The following PCDHA4 variants were observed in gnomAD, a reference collection of about 807,000 sequenced individuals.
PCDHA4 encodes the protein protocadherin alpha 4.
A neutral mutation model predicts 61.4 loss-of-function variants in PCDHA4; 49 were observed. That is an observed-to-expected ratio of 0.80 (90% CI 0.63 to 1.01). The LOEUF (loss-of-function observed/expected upper bound fraction) is 1.01, where lower values mean the gene tolerates loss of function less well. Among genes scored for constraint, PCDHA4 ranks in the 50% least tolerant of loss-of-function variants. The pLI is 0.00. For synonymous variants in PCDHA4, 590 were observed against 550.3 expected, an observed-to-expected ratio of 1.07 and a Z score of -1.01; for missense variants, 1,254 against 1,235.8, an observed-to-expected ratio of 1.01 and a Z score of -0.22.
At chr5:140,966,835 G>A in intron 1 of PCDHA4, 10 of 1,564,886 alleles carry the variant, frequency 6.4e-6, no homozygotes, top group Non-Finnish European at 7.8e-6. Flanking sequence ...TGCCCTGGCT[G>A]CTGCTACTGC....
In PCDHA4 at chr5:140,808,734, A is replaced by C; in HGVS notation, c.1547A>C (p.Lys516Thr). The C allele has an allele frequency of 6.2e-7, 1 of 1,612,162 alleles. No individual in the cohort carries two copies. Among genetic ancestry groups the C allele is most frequent in the South Asian group, 1.1e-5 (1 of 91,010 alleles). ...GTTTCGGTGCATGCGGAGAGCGGCA[A>C]GGTGTACGCGCTGCAGCCGCTGGAC... ...SYVSVHAESG[K>T]VYALQPLDHE... Residue 516 changes from lysine to threonine, a missense_variant, in exon 1 of 4, where the codon AAG (lysine) becomes ACG (threonine). Physicochemically the swap from Lys to Thr is moderately conservative, Grantham distance 78. Coordinates refer to ENST00000530339, the MANE Select transcript of PCDHA4 (RefSeq NM_018907.4).
At chr5:140,858,233 G>A in intron 1 of PCDHA4, 2 of 1,596,216 alleles carry the variant, frequency 1.3e-6, no homozygotes, top group Non-Finnish European at 1.7e-6. Flanking sequence ...CACCGAGGGC[G>A]CATGTGGGCC....
intron 1 of PCDHA4, chr5:140,929,284 A>G: frequency 6.2e-7 from 1 of 1,600,764 alleles, no homozygotes; most frequent in Non-Finnish European, 8.5e-7. Flanking sequence ...CTGTATTCAG[A>G]TTCGGAATAG....
intron 1 of PCDHA4, among the ~76,000 whole-genome samples, chr5:140,964,804 G>A (rs1484818069): frequency 6.6e-6 from 1 of 152,012 alleles, no homozygotes; most frequent in African/African-American, 2.4e-5. Context: ...CAAGAAAGGA[G>A]ACAGGAATAG....
At chr5:140,985,519 C>G (rs945399310) in intron 3 of PCDHA4, among the ~76,000 whole-genome samples, 7 of 152,120 alleles carry the variant, frequency 4.6e-5, no homozygotes, top group African/African-American at 1.7e-4. Flanking sequence ...TTCTGTTGCC[C>G]TTAAAGCTTC....
chr5:140,835,636 T>C (rs1460811244), intron 1 of PCDHA4: 1 of 1,613,788 alleles, frequency 6.2e-7, no homozygotes, highest in Non-Finnish European at 8.5e-7. Flanking sequence ...CGCGAGAGTG[T>C]GTCCGCCTAT....
At chr5:140,979,843 A>G (rs1373380351) in intron 2 of PCDHA4, among the ~76,000 whole-genome samples, 1 of 152,246 alleles carries the variant, frequency 6.6e-6, no homozygotes, top group African/African-American at 2.4e-5. Context: ...TAATCTTCAA[A>G]CTTAAGCCCC....
intron 3 of PCDHA4, among the ~76,000 whole-genome samples, chr5:141,000,680 T>C (rs953789526): frequency 1.3e-5 from 2 of 151,376 alleles, no homozygotes; most frequent in African/African-American, 2.4e-5. Flanking sequence ...CACCTGCCTC[T>C]GCCTCCCAAA....
intron 1 of PCDHA4, among the ~76,000 whole-genome samples, chr5:140,955,267 T>C (rs1189039296): frequency 6.6e-6 from 1 of 152,140 alleles, no homozygotes; most frequent in Non-Finnish European, 1.5e-5. Context: ...AGGCTCTTTT[T>C]TGGTTCCATA....
At chr5:140,952,721 G>A (rs781821007) in intron 1 of PCDHA4, among the ~76,000 whole-genome samples, 1 of 152,100 alleles carries the variant, frequency 6.6e-6, no homozygotes, top group Non-Finnish European at 1.5e-5. Context: ...TCAATTTTCT[G>A]TACTAGTCTT....
At chr5:140,969,045 CCAA>C in intron 1 of PCDHA4, 4 of 1,614,090 alleles carry the variant, frequency 2.5e-6, no homozygotes, top group Non-Finnish European at 3.4e-6. Flanking sequence ...TACAAACAAG[CCAA>C]CAACAATATT....
intron 1 of PCDHA4, chr5:140,877,326 G>A: frequency 1.9e-6 from 3 of 1,613,964 alleles, no homozygotes. Flanking sequence ...CGGTCGGCGC[G>A]CACATCCCGT....
intron 1 of PCDHA4, among the ~76,000 whole-genome samples, chr5:140,963,771 G>A (rs2095789886): frequency 6.6e-6 from 1 of 152,164 alleles, no homozygotes; most frequent in South Asian, 2.1e-4. Context: ...ATTTCATGAC[G>A]ACAGCAACAA....
At chr5:140,842,635 C>G (rs1330338408) in intron 1 of PCDHA4, 3 of 1,590,774 alleles carry the variant, frequency 1.9e-6, no homozygotes, top group South Asian at 1.1e-5. Flanking sequence ...TGTGGGCCAC[C>G]GCCAGCTTGT....
chr5:140,937,812 T>A (rs930837901), intron 1 of PCDHA4, among the ~76,000 whole-genome samples: 3 of 150,742 alleles, frequency 2.0e-5, no homozygotes, highest in Non-Finnish European at 4.4e-5. Flanking sequence ...CTCGGGAAGC[T>A]GAGGCAGGAG....
At chr5:140,898,211 A>G (rs1554187859) in intron 1 of PCDHA4, among the ~76,000 whole-genome samples, 2 of 152,100 alleles carry the variant, frequency 1.3e-5, no homozygotes, top group African/African-American at 4.8e-5. Context: ...CCATTTGTCA[A>G]TTTTGGCTTT....
At chr5:140,913,379 C>T (rs1554195889) in intron 1 of PCDHA4, among the ~76,000 whole-genome samples, 1 of 152,134 alleles carries the variant, frequency 6.6e-6, no homozygotes, top group Non-Finnish European at 1.5e-5. Context: ...CATATAGTGG[C>T]TCATCATAGC....
rs2098413689 is a variant in PCDHA4, at chr5:141,009,672, A to G, written c.2579A>G (p.Asn860Ser). Residue 860 changes from asparagine to serine, a missense_variant, in exon 4 of 4, where the codon AAC becomes AGC. Physicochemically the swap from Asn to Ser is conservative, Grantham distance 46. Transcript: ENST00000530339. The stretch of plus-strand genomic sequence containing the variant: ...TCCCCTCCAGTCGGTGCGGGTGTCA[A>G]CAGCAACAGCTGGACCTTTAAATAC... ...EVSPPVGAGV[N>S]SNSWTFKYGP... is the part of the protein sequence containing the mutation. 6.2e-7 allele frequency: 1 copy of G among 1,614,102 alleles called. No homozygotes were observed. The highest frequency in any genetic ancestry group is 1.1e-5 in the South Asian group (1 of 91,070).
At chr5:140,873,957 A>C (rs993299790) in intron 1 of PCDHA4, among the ~76,000 whole-genome samples, 7 of 152,236 alleles carry the variant, frequency 4.6e-5, no homozygotes, top group Non-Finnish European at 7.3e-5. Flanking sequence ...CACTGAGCCC[A>C]GCCTATTTTT....
Sources: gnomAD v4.1 joint callset for allele counts (sites outside exome capture counted in the v4.1 genomes callset) on GRCh38, gnomAD v4.1.1 for gene constraint, MANE v1.5 for transcripts, NCBI Gene and HGNC (gene_info 2026-07-23, HGNC 2026-07-21) for gene names.